Variants in CSMD1 observed in about 807,000 individuals in gnomAD.
CSMD1 encodes the protein CUB and Sushi multiple domains 1.
Under a neutral mutation model 417.5 loss-of-function variants are expected in CSMD1, and 213 were observed. The observed-to-expected ratio is 0.51, with a 90% CI of 0.46 to 0.57. The LOEUF (loss-of-function observed/expected upper bound fraction) is 0.57, where lower values mean the gene tolerates loss of function less well. CSMD1 is among the 20% of genes least tolerant of loss of function. The pLI is 0.00. For synonymous variants in CSMD1, 2,862 were observed against 1,736.8 expected, an observed-to-expected ratio of 1.65 and a Z score of -16.11; for missense variants, 6,923 against 4,529.7, an observed-to-expected ratio of 1.53 and a Z score of -15.17.
intron 12 of CSMD1, among the ~76,000 whole-genome samples, chr8:3,445,299 G>T (rs565719889): frequency 2.6e-4 from 40 of 152,168 alleles, no homozygotes; most frequent in African/African-American, 9.1e-4. Context: ...CGTCACTAAG[G>T]TAAGGGTACT....
intron 18 of CSMD1, among the ~76,000 whole-genome samples, chr8:3,376,753 G>A (rs1272782091): frequency 1.3e-5 from 2 of 151,566 alleles, no homozygotes; most frequent in African/African-American, 4.9e-5. Flanking sequence ...CACAGACACT[G>A]AGTTTATCGT....
chr8:3,483,922 T>A (rs555069954), intron 11 of CSMD1, among the ~76,000 whole-genome samples: 1 of 152,296 alleles, frequency 6.6e-6, no homozygotes, highest in East Asian at 1.9e-4. Context: ...AAAGAAACAT[T>A]TGACGATTCA....
intron 33 of CSMD1, 110 bp from the exon 34 acceptor site, chr8:3,190,225 A>T: frequency 4.2e-5 from 27 of 642,016 alleles, no homozygotes; most frequent in Non-Finnish European, 4.2e-5. Context: ...CAGACAGAGA[A>T]TTTAATAACG....
chr8:3,883,811 C>G (rs1360337447), intron 5 of CSMD1, among the ~76,000 whole-genome samples: 1 of 151,962 alleles, frequency 6.6e-6, no homozygotes, highest in Admixed American at 6.6e-5. Context: ...ATCCCATTAA[C>G]AACTACTGAT....
intron 54 of CSMD1, among the ~76,000 whole-genome samples, chr8:2,981,307 G>C (rs993665310): frequency 6.6e-6 from 1 of 152,142 alleles, no homozygotes; most frequent in Non-Finnish European, 1.5e-5. Context: ...TTCCTATCCA[G>C]GGATCTGATG....
chr8:4,792,456 T>C (rs994007329), intron 1 of CSMD1, among the ~76,000 whole-genome samples: 2 of 152,188 alleles, frequency 1.3e-5, no homozygotes, highest in Admixed American at 6.5e-5. Context: ...TTTGAACTCA[T>C]CAGCTGTTCT....
intron 5 of CSMD1, among the ~76,000 whole-genome samples, chr8:3,930,365 A>T (rs1186485450): frequency 6.6e-6 from 1 of 150,622 alleles, no homozygotes; most frequent in Non-Finnish European, 1.5e-5. Flanking sequence ...AATGTATTTT[A>T]TGTTCTTAGC....
chr8:3,362,734 C>T (rs1465265078), intron 20 of CSMD1, among the ~76,000 whole-genome samples: 1 of 152,128 alleles, frequency 6.6e-6, no homozygotes, highest in Non-Finnish European at 1.5e-5. Flanking sequence ...TCACGTAAAA[C>T]AGAGCATCCT....
At chr8:4,957,415 G>A (rs983076420) in intron 1 of CSMD1, among the ~76,000 whole-genome samples, 4 of 152,158 alleles carry the variant, frequency 2.6e-5, no homozygotes, top group African/African-American at 7.2e-5. Context: ...CACTATGGTC[G>A]GAAACCCTAT....
chr8:3,650,224 C>G (rs9657394), intron 7 of CSMD1, among the ~76,000 whole-genome samples: 143,220 of 151,958 alleles, frequency 0.94, 67,581 homozygotes, highest in African/African-American at 0.99. Flanking sequence ...TTTGCAATGA[C>G]CTGAGATTGC....
intron 3 of CSMD1, among the ~76,000 whole-genome samples, chr8:4,129,446 A>T (rs1802963608): frequency 6.6e-6 from 1 of 152,170 alleles, no homozygotes; most frequent in Non-Finnish European, 1.5e-5. Flanking sequence ...GTACTGAGAC[A>T]GGTGCATGGG....
At chr8:3,711,893 G>C (rs983329609) in intron 6 of CSMD1, among the ~76,000 whole-genome samples, 1 of 152,124 alleles carries the variant, frequency 6.6e-6, no homozygotes, top group Non-Finnish European at 1.5e-5. Context: ...ACCCTAAACA[G>C]ATAAGACAAA....
chr8:4,770,326 A>G (rs1391312848), intron 1 of CSMD1, among the ~76,000 whole-genome samples: 6 of 148,346 alleles, frequency 4.0e-5, no homozygotes, highest in Non-Finnish European at 8.9e-5. Flanking sequence ...CTATATATGT[A>G]CATAGAAATA....
chr8:4,102,606 C>G (rs888341778), intron 3 of CSMD1, among the ~76,000 whole-genome samples: 1 of 152,168 alleles, frequency 6.6e-6, no homozygotes, highest in Non-Finnish European at 1.5e-5. Context: ...TAACTCATGT[C>G]TACTCAAATG....
chr8:4,889,100 A>G (rs1458227639), intron 1 of CSMD1, among the ~76,000 whole-genome samples: 2 of 152,118 alleles, frequency 1.3e-5, no homozygotes, highest in Non-Finnish European at 2.9e-5. Context: ...GAGAAACGGA[A>G]TATGTGCAAT....
intron 1 of CSMD1, among the ~76,000 whole-genome samples, chr8:4,772,858 C>T (rs1277233690): frequency 6.6e-6 from 1 of 152,122 alleles, no homozygotes; most frequent in African/African-American, 2.4e-5. Context: ...CTGAATCATT[C>T]CATGAAATGT....
intron 1 of CSMD1, among the ~76,000 whole-genome samples, chr8:4,649,400 G>C (rs1007016041): frequency 2.6e-5 from 4 of 152,124 alleles, no homozygotes; most frequent in Non-Finnish European, 5.9e-5. Context: ...TGAAAGACAG[G>C]CATTATCATT....
chr8:4,299,556 C>T (rs1030399537), intron 3 of CSMD1, among the ~76,000 whole-genome samples: 4 of 152,194 alleles, frequency 2.6e-5, no homozygotes, highest in African/African-American at 9.7e-5. Context: ...TCTAGCTTCT[C>T]ATAAAATTTA....
intron 3 of CSMD1, among the ~76,000 whole-genome samples, chr8:4,399,469 C>G (rs1021972750): frequency 6.6e-6 from 1 of 152,176 alleles, no homozygotes; most frequent in East Asian, 1.9e-4. Flanking sequence ...ATTTTACTGG[C>G]TTTTCCTCAT....
Sources: allele counts gnomAD v4.1 joint callset (sites outside exome capture counted in the v4.1 genomes callset), GRCh38; gene constraint gnomAD v4.1.1; transcripts MANE v1.5; gene names NCBI Gene and HGNC (gene_info 2026-07-23, HGNC 2026-07-21).